The following SLC2A9 variants were observed in gnomAD, a reference collection of about 807,000 sequenced individuals.
SLC2A9 encodes solute carrier family 2, facilitated glucose transporter member 9.
In SLC2A9, 39 loss-of-function variants were observed where a neutral mutation model predicts 50.6. That is an observed-to-expected ratio of 0.77 (90% CI 0.60 to 1.01). SLC2A9 has a LOEUF of 1.01. SLC2A9 is among the 50% of genes least tolerant of loss of function. The pLI is 0.00. For synonymous variants in SLC2A9, 324 were observed against 276.9 expected (o/e 1.17, Z -1.69); for missense variants, 686 against 677.6 (o/e 1.01, Z -0.14).
At chr4:9,799,905 G>A (rs926780178) in intron 3 of SLC2A9, among the ~76,000 whole-genome samples, 2 of 152,136 alleles carry the variant, frequency 1.3e-5, no homozygotes, top group African/African-American at 4.8e-5. Context: ...ATGCAGTGGT[G>A]AAATATTTGG....
At chr4:10,038,762 G>A (rs539014607) in intron 1 of SLC2A9, among the ~76,000 whole-genome samples, 12 of 152,188 alleles carry the variant, frequency 7.9e-5, no homozygotes, top group South Asian at 4.2e-4. Context: ...GGAGAGCCTC[G>A]GACGGCAAGC....
At chr4:9,792,896 C>G (rs879346993) in intron 3 of SLC2A9, 3 of 153,046 alleles carry the variant, frequency 2.0e-5, no homozygotes, top group African/African-American at 7.2e-5. Flanking sequence ...ATTTTTGAGA[C>G]GGAGTTTCGC....
At chr4:9,966,691 A>C (rs567635197) in intron 5 of SLC2A9, among the ~76,000 whole-genome samples, 5 of 152,232 alleles carry the variant, frequency 3.3e-5, no homozygotes, top group Non-Finnish European at 7.3e-5. Flanking sequence ...CCAAATGTCC[A>C]GGAAATAAAA....
intron 2 of SLC2A9, chr4:10,009,441 T>C (rs1331904109): frequency 6.6e-6 from 1 of 152,228 alleles, no homozygotes; most frequent in African/African-American, 2.4e-5. Flanking sequence ...GAAATGTTGA[T>C]TTTGCTTTTT....
chr4:9,860,172 C>A (rs1731384057), intron 10 of SLC2A9, among the ~76,000 whole-genome samples: 2 of 152,182 alleles, frequency 1.3e-5, no homozygotes, highest in South Asian at 4.1e-4. Context: ...TGCCCTTCCT[C>A]CTCCTTCTCC....
In SLC2A9 at chr4:10,010,882, C is replaced by A. The variant is rs115301551; in HGVS notation, c.249+8093G>T. Among the ~76,000 whole-genome samples, 251 of 152,310 alleles carry A rather than the reference C, an allele frequency of 1.6e-3. 1 individual carries two copies. The highest frequency in any genetic ancestry group is 0.01 in the Middle Eastern group (3 of 294). On this transcript the variant is annotated intron_variant, in intron 2 of 11. Transcript: ENST00000264784. Reference sequence around the variant, plus strand: ...ACACATTCATTATCTCAACTTTGGTCCTTTTTTCTTGGCGACTTTTCTTAA... The same window carrying A: ...ACACATTCATTATCTCAACTTTGGTACTTTTTTCTTGGCGACTTTTCTTAA...
intron 11 of SLC2A9, among the ~76,000 whole-genome samples, chr4:9,828,383 G>A (rs1202891727): frequency 2.0e-5 from 3 of 152,134 alleles, no homozygotes; most frequent in Non-Finnish European, 4.4e-5. Flanking sequence ...ATTCTTAACA[G>A]ACAAGCCAGA....
intron 7 of SLC2A9, among the ~76,000 whole-genome samples, chr4:9,916,534 G>A (rs537598151): frequency 1.1e-4 from 17 of 152,342 alleles, no homozygotes; most frequent in African/African-American, 4.1e-4. Flanking sequence ...AGGTTGGGAG[G>A]AGATTCATGC....
intron 10 of SLC2A9, among the ~76,000 whole-genome samples, chr4:9,875,692 T>G (rs1734202934): frequency 1.3e-5 from 2 of 152,204 alleles, no homozygotes; most frequent in Non-Finnish European, 2.9e-5. Context: ...TCTTAACCGC[T>G]CTGAGTCTCA....
intron 8 of SLC2A9, among the ~76,000 whole-genome samples, chr4:9,898,520 C>T (rs1475121820): frequency 4.6e-5 from 7 of 152,188 alleles, no homozygotes; most frequent in Non-Finnish European, 1.0e-4. Context: ...ATGCGGTACT[C>T]CGTGCATGGC....
chr4:9,825,191 G>A (rs1403290985), downstream of SLC2A9, among the ~76,000 whole-genome samples: 2 of 152,174 alleles, frequency 1.3e-5, no homozygotes, highest in Non-Finnish European at 2.9e-5. Flanking sequence ...CATTTTAGAA[G>A]CAAGTATAGG....
At chr4:9,827,194 A>T (rs1725289851) in intron 11 of SLC2A9, among the ~76,000 whole-genome samples, 1 of 152,242 alleles carries the variant, frequency 6.6e-6, no homozygotes, top group African/African-American at 2.4e-5. Flanking sequence ...GACTAGAATA[A>T]CCCTGCCAAC....
chr4:9,859,821 C>G (rs369186865), intron 10 of SLC2A9, among the ~76,000 whole-genome samples: 2 of 152,238 alleles, frequency 1.3e-5, no homozygotes, highest in Non-Finnish European at 2.9e-5. Flanking sequence ...AGTCAGGGAG[C>G]GCCTGCTCTC....
intron 10 of SLC2A9, chr4:9,880,676 T>C: frequency 2.1e-6 from 1 of 474,188 alleles, no homozygotes; most frequent in African/African-American, 2.1e-5. Flanking sequence ...TTCACTCAGA[T>C]ACAATGCTGA....
chr4:9,783,043 G>C (rs773496060), intron 3 of SLC2A9: 3 of 1,614,074 alleles, frequency 1.9e-6, no homozygotes, highest in African/African-American at 2.7e-5. Context: ...GCGTCAGTGA[G>C]ACCACCTTCG....
chr4:9,864,235 C>A (rs1403374111), intron 10 of SLC2A9, among the ~76,000 whole-genome samples: 1 of 151,056 alleles, frequency 6.6e-6, no homozygotes, highest in Non-Finnish European at 1.5e-5. Context: ...AAAAACAACC[C>A]CTGGCACATC....
intron 2 of SLC2A9, among the ~76,000 whole-genome samples, chr4:10,002,639 G>A (rs902803487): frequency 4.6e-5 from 7 of 152,208 alleles, no homozygotes; most frequent in African/African-American, 7.2e-5. Context: ...GATCACCTGA[G>A]GTTAGGAGTT....
intron 2 of SLC2A9, among the ~76,000 whole-genome samples, chr4:10,018,336 G>C (rs1443764069): frequency 6.6e-6 from 1 of 152,172 alleles, no homozygotes; most frequent in East Asian, 1.9e-4. Flanking sequence ...CTTGAGGCTG[G>C]GAGTTCCAGA....
At chr4:9,844,040 G>A (rs1450968797) in intron 10 of SLC2A9, among the ~76,000 whole-genome samples, 1 of 151,710 alleles carries the variant, frequency 6.6e-6, no homozygotes, top group East Asian at 1.9e-4. Context: ...TACTGCCTAG[G>A]ACTCTAGGTA....
Sources: allele counts gnomAD v4.1 joint callset (sites outside exome capture counted in the v4.1 genomes callset), GRCh38; gene constraint gnomAD v4.1.1; transcripts MANE v1.5; gene names NCBI Gene and HGNC (gene_info 2026-07-23, HGNC 2026-07-21).